Variants in VDR observed in about 807,000 individuals in gnomAD.
VDR encodes vitamin D3 receptor.
VDR carries 19 observed loss-of-function variants against 39.7 expected under a neutral mutation model. That is an observed-to-expected ratio of 0.48 (90% CI 0.33 to 0.70). VDR has a LOEUF of 0.70. VDR is among the 30% of genes least tolerant of loss of function. The pLI, the probability that VDR is intolerant of heterozygous loss-of-function variation, is 0.02. For synonymous variants in VDR, 242 were observed against 215.8 expected (o/e 1.12, Z -1.07); for missense variants, 442 against 570.5 (o/e 0.77, Z 2.29).
intron 9 of VDR, 141 bp downstream of exon 9, chr12:47,846,194 C>A (rs1005313156): frequency 2.7e-6 from 2 of 728,072 alleles, no homozygotes; most frequent in Non-Finnish European, 4.7e-6. Context: ...GCTCTGCAAA[C>A]CAGCAAAGTA....
At chr12:47,879,246 G>A (rs540879004) in intron 2 of VDR, 131 bp from the exon 3 acceptor site, 8 of 1,162,362 alleles carry the variant, frequency 6.9e-6, no homozygotes, top group Admixed American at 4.9e-5. Context: ...CTCAGCAAGG[G>A]TGGGCATCTC....
At chr12:47,870,892 GT>G (rs1416596151) in intron 3 of VDR, among the ~76,000 whole-genome samples, 1 of 152,186 alleles carries the variant, frequency 6.6e-6, no homozygotes. Context: ...AGAACATCGA[GT>G]TGTGCACCTG....
intron 3 of VDR, among the ~76,000 whole-genome samples, chr12:47,878,524 G>T (rs527277091): frequency 6.6e-6 from 1 of 152,334 alleles, no homozygotes; most frequent in East Asian, 1.9e-4. Flanking sequence ...GACAAGAGGT[G>T]CCATTTCCCT....
In VDR at chr12:47,844,591, G is replaced by A. The variant is rs1337377985; in HGVS notation, c.*155C>T. ...CGCAGGAAAGGGGTTAGGTTGGACAGGAGAGAGAATGGGCTGGGTGGATAG... is the reference window on the plus strand; with the variant it reads ...CGCAGGAAAGGGGTTAGGTTGGACAAGAGAGAGAATGGGCTGGGTGGATAG... On this transcript the variant is annotated 3_prime_UTR_variant, in exon 10 of 10. Transcript: ENST00000549336. The A allele has an allele frequency of 3.3e-5, 34 of 1,018,364 alleles. No individual in the cohort carries two copies. Among genetic ancestry groups the A allele is most frequent in the Non-Finnish European group, 4.6e-5 (32 of 691,126 alleles). The allele number at this position is 1,018,364 out of a possible 1,614,324, so 63.1% of individuals were successfully genotyped here. A position where few individuals can be genotyped will look rare whatever the true frequency, so the allele number is the denominator to read the frequency against.
chr12:47,873,351 CTTTTTTTTTTTT>C (rs71077177), intron 3 of VDR, among the ~76,000 whole-genome samples: 14 of 98,450 alleles, frequency 1.4e-4, no homozygotes, highest in East Asian at 8.6e-4. Context: ...AACCTGTTTT[CTTTTTTTTTTTT>C]TTTTTTTTTT....
intron 1 of VDR, 122 bp from the exon 2 acceptor site, chr12:47,882,896 A>C: frequency 1.4e-6 from 1 of 733,128 alleles, no homozygotes; most frequent in Non-Finnish European, 2.2e-6. Context: ...AGTGACTGCA[A>C]ACAGAAGTGG....
At chr12:47,868,182 G>A (rs1945776148) in intron 3 of VDR, among the ~76,000 whole-genome samples, 1 of 152,228 alleles carries the variant, frequency 6.6e-6, no homozygotes, top group African/African-American at 2.4e-5. Flanking sequence ...GAAACTTAAA[G>A]TGCTCAGTGA....
chr12:47,891,173 C>A (rs570603140), intron 1 of VDR, among the ~76,000 whole-genome samples: 2 of 152,182 alleles, frequency 1.3e-5, no homozygotes, highest in Non-Finnish European at 2.9e-5. Flanking sequence ...CTACCTGGGC[C>A]AGCCTGATGC....
chr12:47,852,391 A>G (rs1340853256), intron 7 of VDR, among the ~76,000 whole-genome samples: 6 of 152,234 alleles, frequency 3.9e-5, no homozygotes, highest in Admixed American at 2.6e-4. Context: ...AGTAACGTGA[A>G]GCGTGGAGGA....
rs551118924 is a variant in VDR at position 47,853,792 on chromosome 12, C to G, written c.755+1838G>C. Among the ~76,000 whole-genome samples, 11 of 151,990 alleles carry G rather than the reference C, an allele frequency of 7.2e-5. No homozygotes were observed. In the South Asian group the frequency reaches 1.7e-3, roughly 23 times the overall value. On this transcript the variant is annotated intron_variant, in intron 7 of 9. Coordinates refer to ENST00000549336, the MANE Select transcript of VDR (RefSeq NM_000376.3). The stretch of plus-strand genomic sequence containing the variant: ...AAAAAATTAGCCAGGCATGGTGGCA[C>G]GCTCCTGTAGTTCCAGCTACTTGGG...
chr12:47,861,248 G>A (rs1945620145), intron 4 of VDR, among the ~76,000 whole-genome samples: 1 of 152,242 alleles, frequency 6.6e-6, no homozygotes, highest in South Asian at 2.1e-4. Flanking sequence ...ATAAAATTAA[G>A]TCACAAAGCT....
At chr12:47,889,021 C>T (rs751655879) in intron 1 of VDR, among the ~76,000 whole-genome samples, 12 of 151,954 alleles carry the variant, frequency 7.9e-5, no homozygotes, top group East Asian at 7.8e-4. Context: ...CTCTGTATTC[C>T]ATATGTACAA....
intron 4 of VDR, among the ~76,000 whole-genome samples, chr12:47,863,229 T>TC: frequency 1.3e-5 from 2 of 152,164 alleles, no homozygotes; most frequent in Non-Finnish European, 2.9e-5. Flanking sequence ...CTGATTCTAG[T>TC]CCCAGCTTGG....
intron 1 of VDR, among the ~76,000 whole-genome samples, chr12:47,895,563 C>T (rs189397076): frequency 7.4e-4 from 113 of 152,248 alleles, no homozygotes; most frequent in African/African-American, 2.6e-3. Context: ...AGGAATTCTA[C>T]AGGAACAGGG....
chr12:47,900,619 G>A (rs1946540658), intron 1 of VDR, among the ~76,000 whole-genome samples: 1 of 152,198 alleles, frequency 6.6e-6, no homozygotes, highest in Non-Finnish European at 1.5e-5. Context: ...CTGTTACCAA[G>A]TGAGTGCTCA....
rs1945204557 is a variant in VDR, at chr12:47,843,177, G to C, written c.*1569C>G. ...GTGGCTTTCAGATGTTTTTCCACCT[G>C]AAGAATTCTGAGAGACATGGGGCCA... On this transcript the variant is annotated 3_prime_UTR_variant, in exon 10 of 10. Coordinates refer to ENST00000549336, the MANE Select transcript of VDR (RefSeq NM_000376.3). 6.6e-6 allele frequency: 1 copy of C among 152,294 alleles called. No individual in the cohort carries two copies. Among genetic ancestry groups the C allele is most frequent in the Non-Finnish European group, 1.5e-5 (1 of 68,020 alleles). 9.4% of individuals were successfully genotyped at this position (152,294 alleles called of 1,614,324 possible).
intron 4 of VDR, among the ~76,000 whole-genome samples, chr12:47,859,908 TCCTTCCTTC>T (rs1945582429): frequency 6.6e-5 from 3 of 45,178 alleles, no homozygotes; most frequent in Non-Finnish European, 1.2e-4. Flanking sequence ...CTTCCTTCCT[TCCTTCCTTC>T]TTTCTTTTTC....
intron 1 of VDR, among the ~76,000 whole-genome samples, chr12:47,884,931 G>A (rs575800807): frequency 6.6e-6 from 1 of 152,186 alleles, no homozygotes; most frequent in Admixed American, 6.5e-5. Flanking sequence ...AATAGTGGAC[G>A]GTCCTTTTAG....
rs1945248592 is a variant in VDR, at chr12:47,844,950, G to A, written c.1080C>T (p.Ser360=). The A allele has an allele frequency of 3.1e-6, 5 of 1,613,984 alleles. No individual in the cohort carries two copies. In the South Asian group the frequency reaches 3.3e-5, roughly 11 times the overall value. ...ALIEAIQDRL[S]NTLQTYIRCR... ...AGCGGATGTACGTCTGCAGTGTGTTGGACAGGCGGTCCTGGATGGCCTCAA... is the reference window on the plus strand; with the variant it reads ...AGCGGATGTACGTCTGCAGTGTGTTAGACAGGCGGTCCTGGATGGCCTCAA... The change falls in exon 10 of 10, where the codon TCC becomes TCT. Residue 360 remains serine, a synonymous_variant. Coordinates refer to ENST00000549336, the MANE Select transcript of VDR (RefSeq NM_000376.3).
Sources: allele counts gnomAD v4.1 joint callset (sites outside exome capture counted in the v4.1 genomes callset), GRCh38; gene constraint gnomAD v4.1.1; transcripts MANE v1.5; gene names NCBI Gene and HGNC (gene_info 2026-07-23, HGNC 2026-07-21).